The following NECTIN1 variants were observed in gnomAD, a reference collection of about 807,000 sequenced individuals.
The protein encoded by NECTIN1 is nectin cell adhesion molecule 1, also known as nectin-1.
Under a neutral mutation model 48.0 loss-of-function variants are expected in NECTIN1, and 23 were observed. The observed-to-expected ratio is 0.48, with a 90% CI of 0.34 to 0.68. NECTIN1 has a LOEUF of 0.68. Among genes scored for constraint, NECTIN1 ranks in the 30% least tolerant of loss-of-function variants. NECTIN1 has a pLI of 0.01. For missense variants in NECTIN1, 591 were observed against 709.9 expected, an observed-to-expected ratio of 0.83 and a Z score of 1.90; for synonymous variants, 270 against 288.9, an observed-to-expected ratio of 0.93 and a Z score of 0.66.
rs2134353403 is a variant in NECTIN1, at chr11:119,728,670, GTCAGCTGCAGCCGTC to G, written c.-132_-118del. 4 of 196,278 alleles carry G rather than the reference GTCAGCTGCAGCCGTC, an allele frequency of 2.0e-5. No homozygotes were observed. Among genetic ancestry groups the G allele is most frequent in the African/African-American group, 2.5e-5 (1 of 40,180 alleles). 12.2% of individuals were successfully genotyped at this position (196,278 alleles called of 1,614,324 possible). ...GTCGGCGGGCGCTCGAAGGATCCAG[GTCAGCTGCAGCCGTC>G]GGCCGGGGCGGGGTGGGCTGGGTGG... On this transcript the variant is annotated 5_prime_UTR_variant, in exon 1 of 6. Transcript: ENST00000264025.
At chr11:119,646,073 C>T (rs1864392898) in intron 5 of NECTIN1, among the ~76,000 whole-genome samples, 1 of 152,240 alleles carries the variant, frequency 6.6e-6, no homozygotes, top group Non-Finnish European at 1.5e-5. Flanking sequence ...GGCTCCCGGT[C>T]TCTTCCTCTA....
downstream of NECTIN1, chr11:119,660,891 G>T: frequency 1.7e-6 from 1 of 603,866 alleles, no homozygotes; most frequent in Non-Finnish European, 2.1e-6. Flanking sequence ...ATGGGGTGGG[G>T]GGTCCCTTCC....
At chr11:119,638,884 G>T in intron 6 of NECTIN1, 1 of 1,299,006 alleles carries the variant, frequency 7.7e-7, no homozygotes, top group Non-Finnish European at 1.1e-6. Flanking sequence ...GACAGCTACC[G>T]GTCCCTGAGC....
chr11:119,664,145 C>A lies in NECTIN1; in HGVS notation c.*602G>T. 2 of 986,294 alleles carry A rather than the reference C, an allele frequency of 2.0e-6. No individual in the cohort carries two copies. Among genetic ancestry groups the A allele is most frequent in the Middle Eastern group, 5.2e-4 (1 of 1,914 alleles). The allele number at this position is 986,294 out of a possible 1,614,324, so 61.1% of individuals were successfully genotyped here. On this transcript the variant is annotated 3_prime_UTR_variant, in exon 6 of 6. Transcript: ENST00000264025. Reference sequence around the variant, plus strand: ...AGCAGGAAAACACTGCCCAAGGCCCCGCTTAACAAACAAGACTCCCTGGGA... The same window carrying A: ...AGCAGGAAAACACTGCCCAAGGCCCAGCTTAACAAACAAGACTCCCTGGGA...
intron 5 of NECTIN1, chr11:119,674,434 C>G (rs929398210): frequency 6.3e-6 from 10 of 1,574,860 alleles, no homozygotes; most frequent in Non-Finnish European, 8.6e-6. Context: ...CTGATCTGTG[C>G]TAGGTGCTTG....
chr11:119,699,332 C>A (rs1422765784), intron 1 of NECTIN1, among the ~76,000 whole-genome samples: 15 of 150,424 alleles, frequency 1.0e-4, no homozygotes, highest in Admixed American at 9.3e-4. Context: ...TCTAAGAGTT[C>A]CGACTGTCCT....
intron 5 of NECTIN1, among the ~76,000 whole-genome samples, chr11:119,671,457 G>T (rs1405383235): frequency 6.6e-6 from 1 of 152,148 alleles, no homozygotes; most frequent in Admixed American, 6.5e-5. Context: ...TTGGGGTCCT[G>T]GTTCTCTGAC....
At chr11:119,701,433 T>C (rs1832648058) in intron 1 of NECTIN1, among the ~76,000 whole-genome samples, 1 of 151,808 alleles carries the variant, frequency 6.6e-6, no homozygotes, top group Admixed American at 6.6e-5. Context: ...TGCCAAGGGG[T>C]GTCTGGGGCT....
intron 1 of NECTIN1, among the ~76,000 whole-genome samples, chr11:119,702,929 T>C (rs932483224): frequency 1.1e-4 from 17 of 152,186 alleles, no homozygotes; most frequent in Admixed American, 3.9e-4. Context: ...TCTCTTACCC[T>C]GGGAGGCAGC....
Position 119,677,390 on chromosome 11 carries a change from G to T in NECTIN1, c.733+165C>A, listed in dbSNP as rs1351205752. Among the ~76,000 whole-genome samples, 1 of 152,064 alleles carries T rather than the reference G, an allele frequency of 6.6e-6. No homozygotes were observed. The highest frequency in any genetic ancestry group is 1.5e-5 in the Non-Finnish European group (1 of 68,004). ...AGAGCCCGGGAGTGGAAACAGGAGG[G>T]CGACAGGGAAGGAGGAGAGAAAACG... is the stretch of plus-strand genomic sequence containing the variant. On this transcript the variant is annotated intron_variant, in intron 3 of 5. Transcript: ENST00000264025. The surrounding 1 kb of genome is among the most constrained non-coding windows in gnomAD (Gnocchi z 5.4).
chr11:119,659,862 C>G (rs1591445292), downstream of NECTIN1, among the ~76,000 whole-genome samples: 1 of 152,228 alleles, frequency 6.6e-6, no homozygotes, highest in East Asian at 1.9e-4. Context: ...ATTGCCTGCA[C>G]AAATTAAAAA....
At chr11:119,645,696 C>T (rs906736776) in intron 5 of NECTIN1, among the ~76,000 whole-genome samples, 7 of 152,196 alleles carry the variant, frequency 4.6e-5, no homozygotes, top group South Asian at 4.1e-4. Context: ...TCCATTCCAT[C>T]GTCCCAGAAC....
chr11:119,708,910 C>T (rs1027014258), intron 1 of NECTIN1, among the ~76,000 whole-genome samples: 1 of 152,058 alleles, frequency 6.6e-6, no homozygotes, highest in African/African-American at 2.4e-5. Flanking sequence ...TGGGGTCCCA[C>T]GGCTCAGCGC....
chr11:119,665,114 T>C lies in NECTIN1; in HGVS notation c.1187A>G (p.Tyr396Cys). 6.2e-7 allele frequency: 1 copy of C among 1,614,022 alleles called. No homozygotes were observed. Among genetic ancestry groups the C allele is most frequent in the Non-Finnish European group, 8.5e-7 (1 of 1,179,988 alleles). The change falls in exon 6 of 6, where the codon TAT becomes TGT. Residue 396 changes from tyrosine (Y) to cysteine (C), a missense_variant. Transcript: ENST00000264025. This position sits in a 1 kb window ranked among gnomAD's most constrained non-coding sequence, Gnocchi z 5.1. Reference protein sequence around the residue: ...KGDYSTKKHVYGNGYSKAGIP... With the variant: ...KGDYSTKKHVCGNGYSKAGIP... ...GCCTGCCTTGCTGTAGCCGTTGCCA[T>C]ACACGTGCTTCTTGGTGCTGTAGTC...
At chr11:119,647,031 C>A (rs1864404327) in intron 5 of NECTIN1, among the ~76,000 whole-genome samples, 1 of 152,176 alleles carries the variant, frequency 6.6e-6, no homozygotes, top group Non-Finnish European at 1.5e-5. Flanking sequence ...TCTCATCCTG[C>A]CTGTTGGCCT....
rs1303079350 is a variant in NECTIN1 at position 119,727,540 on chromosome 11, A to C, written c.79+935T>G. Among the ~76,000 whole-genome samples, 1 of 152,192 alleles carries C rather than the reference A, an allele frequency of 6.6e-6. No individual in the cohort carries two copies. The highest frequency in any genetic ancestry group is 2.4e-5 in the African/African-American group (1 of 41,448). ...CTTCCCCAGGGACACAAAGGGTTAA[A>C]TCCAGGCGAGGGGACTCGGTCGGAT... On this transcript the variant is annotated intron_variant, in intron 1 of 5. Coordinates refer to ENST00000264025, the MANE Select transcript of NECTIN1 (RefSeq NM_002855.5). This position sits in a 1 kb window ranked among gnomAD's most constrained non-coding sequence, Gnocchi z 4.1.
In NECTIN1 at chr11:119,678,552, T is replaced by C. The variant is rs2135552472; in HGVS notation, c.293A>G (p.Glu98Gly). ...SVLAPYRERV[E>G]FLRPSFTDGT... ...ATCGGTGAAGGAGGGCCGCAGGAAT[T>C]CCACACGCTCGCGGTAGGGAGCCAG... The change falls in exon 2 of 6, where the codon GAA (glutamate) becomes GGA (glycine). Residue 98 changes from glutamate to glycine, a missense_variant. Transcript: ENST00000264025. This position sits in a 1 kb window ranked among gnomAD's most constrained non-coding sequence, Gnocchi z 4.4. The C allele has an allele frequency of 6.2e-7, 1 of 1,614,154 alleles. No individual in the cohort carries two copies. Among genetic ancestry groups the C allele is most frequent in the South Asian group, 1.1e-5 (1 of 91,070 alleles).
At position 119,663,545 on chromosome 11, in the gene NECTIN1, T is replaced by C. The variant is rs571906515; in HGVS notation, c.*1202A>G. ...GACAATGGCCTTTGTGTGTGAGGCATTGTATGGACTCCTCAGTCCCTCGGA... is the reference window on the plus strand; with the variant it reads ...GACAATGGCCTTTGTGTGTGAGGCACTGTATGGACTCCTCAGTCCCTCGGA... On this transcript the variant is annotated 3_prime_UTR_variant, in exon 6 of 6. Coordinates refer to ENST00000264025, the MANE Select transcript of NECTIN1 (RefSeq NM_002855.5). The C allele has an allele frequency of 2.0e-6, 2 of 985,420 alleles. No individual in the cohort carries two copies. Among genetic ancestry groups the C allele is most frequent in the East Asian group, 2.3e-4 (2 of 8,794 alleles). The allele number at this position is 985,420 out of a possible 1,614,324, so 61.0% of individuals were successfully genotyped here.
rs78403029 is a variant in NECTIN1 at position 119,690,977 on chromosome 11, C to T, written c.80-12212G>A. On this transcript the variant is annotated intron_variant, in intron 1 of 5. Transcript: ENST00000264025. ...TGAAAATGGGCAGTTATCCTCCAAA[C>T]ATAAGCAATGGCCTTTTGTTCAACT... Among the ~76,000 whole-genome samples the T allele has an allele frequency of 3.7e-3, 561 of 152,296 alleles. 5 individuals carry two copies. In the East Asian group the frequency reaches 0.048, roughly 13 times the overall value.
Sources: gnomAD v4.1 joint callset for allele counts (sites outside exome capture counted in the v4.1 genomes callset) on GRCh38, gnomAD v4.1.1 for gene constraint, Gnocchi (gnomAD v3.1) non-coding constraint, MANE v1.5 for transcripts, NCBI Gene and HGNC (gene_info 2026-07-23, HGNC 2026-07-21) for gene names.